Variants in PPP3CA observed in about 807,000 individuals in gnomAD.
PPP3CA encodes protein phosphatase 3 catalytic subunit alpha.
Under a neutral mutation model 66.5 loss-of-function variants are expected in PPP3CA, and 14 were observed. The observed-to-expected ratio is 0.21, with a 90% CI of 0.14 to 0.33. The LOEUF is 0.33. Among genes scored for constraint, PPP3CA ranks in the 10% least tolerant of loss-of-function variants. The pLI is 1.00. For synonymous variants in PPP3CA, 232 were observed against 226.2 expected, an observed-to-expected ratio of 1.03 and a Z score of -0.23; for missense variants, 317 against 639.5, an observed-to-expected ratio of 0.50 and a Z score of 5.44.
At chr4:101,183,072 G>GA (rs1245963740) in intron 2 of PPP3CA, among the ~76,000 whole-genome samples, 2 of 152,116 alleles carry the variant, frequency 1.3e-5, no homozygotes, top group African/African-American at 4.8e-5. Context: ...GAATGCAGGT[G>GA]AAAAAATTTA....
At chr4:101,257,014 G>A (rs963170767) in intron 1 of PPP3CA, among the ~76,000 whole-genome samples, 1 of 151,880 alleles carries the variant, frequency 6.6e-6, no homozygotes. Context: ...GGAAGGGGTG[G>A]GATTAGAATC....
chr4:101,224,718 TC>T (rs1725727911), intron 1 of PPP3CA, among the ~76,000 whole-genome samples: 1 of 151,712 alleles, frequency 6.6e-6, no homozygotes. Context: ...AATAAGGAAA[TC>T]GGGGCAGGGG....
In PPP3CA at chr4:101,117,482, A is replaced by T. The variant is rs1433094186; in HGVS notation, c.260-8404T>A. Among the ~76,000 whole-genome samples the T allele has an allele frequency of 2.6e-5, 4 of 151,524 alleles. No homozygotes were observed. In the South Asian group the frequency reaches 6.3e-4, roughly 24 times the overall value. ...TTTTCCTCCATTGATTGAATACTTT[A>T]AAAGATTTAATTTATTGAATAAGGA... is the stretch of plus-strand genomic sequence containing the variant. On this transcript the variant is annotated intron_variant, in intron 2 of 13. Coordinates refer to ENST00000394854, the MANE Select transcript of PPP3CA (RefSeq NM_000944.5).
chr4:101,089,727 A>G (rs1199594529), intron 6 of PPP3CA, among the ~76,000 whole-genome samples: 1 of 152,172 alleles, frequency 6.6e-6, no homozygotes, highest in Non-Finnish European at 1.5e-5. Context: ...TGCTCCAAGT[A>G]TCTCAACTAT....
chr4:101,043,317 G>C (rs2110212702), intron 10 of PPP3CA, among the ~76,000 whole-genome samples: 1 of 152,174 alleles, frequency 6.6e-6, no homozygotes, highest in Non-Finnish European at 1.5e-5. Flanking sequence ...GAAAAGGAGG[G>C]AAATAAATTA....
rs1490806873 is a variant in PPP3CA, at chr4:101,256,352, T to C, written c.59-60236A>G. Among the ~76,000 whole-genome samples, 7 of 152,010 alleles carry C rather than the reference T, an allele frequency of 4.6e-5. No individual in the cohort carries two copies. The East Asian group carries it at 5.8e-4, about 13-fold the overall frequency. ...AGTCAGCAATGCATAATCTCAGCTA[T>C]TGTTCATTCTGGCAAATCATCACTG... On this transcript the variant is annotated intron_variant, in intron 1 of 13. Coordinates refer to ENST00000394854, the MANE Select transcript of PPP3CA (RefSeq NM_000944.5).
At chr4:101,105,105 A>T (rs1280399619) in intron 3 of PPP3CA, among the ~76,000 whole-genome samples, 3 of 152,150 alleles carry the variant, frequency 2.0e-5, no homozygotes, top group Admixed American at 6.5e-5. Flanking sequence ...TGTAGACTTT[A>T]AAAAAATCTG....
At chr4:101,266,663 T>C (rs1272217584) in intron 1 of PPP3CA, among the ~76,000 whole-genome samples, 1 of 152,078 alleles carries the variant, frequency 6.6e-6, no homozygotes, top group East Asian at 1.9e-4. Flanking sequence ...GATGACTGGA[T>C]GAGAAACAAG....
chr4:101,135,139 A>G (rs1322449030), intron 2 of PPP3CA, among the ~76,000 whole-genome samples: 1 of 152,108 alleles, frequency 6.6e-6, no homozygotes, highest in Non-Finnish European at 1.5e-5. Context: ...TAATGGGTGC[A>G]GCAAACCACG....
chr4:101,079,927 T>C (rs1281294534), intron 8 of PPP3CA, among the ~76,000 whole-genome samples: 1 of 152,194 alleles, frequency 6.6e-6, no homozygotes, highest in Non-Finnish European at 1.5e-5. Flanking sequence ...ACCTAGTTCA[T>C]TACTTCCTAA....
chr4:101,090,381 G>A (rs1729859226), intron 6 of PPP3CA, among the ~76,000 whole-genome samples: 1 of 152,106 alleles, frequency 6.6e-6, no homozygotes, highest in Middle Eastern at 3.2e-3. Flanking sequence ...GCTCATGCCT[G>A]TAATCCCAGC....
intron 2 of PPP3CA, among the ~76,000 whole-genome samples, chr4:101,152,492 A>T (rs1340334291): frequency 6.6e-6 from 1 of 152,252 alleles, no homozygotes; most frequent in African/African-American, 2.4e-5. Context: ...CTGAATAAAG[A>T]CATTTTACTT....
At chr4:101,300,635 A>T (rs1019879000) in intron 1 of PPP3CA, among the ~76,000 whole-genome samples, 2 of 152,092 alleles carry the variant, frequency 1.3e-5, no homozygotes, top group Non-Finnish European at 2.9e-5. Context: ...TCTCTACTAA[A>T]AAATAGAAAA....
chr4:101,314,334 G>T (rs1728816749), intron 1 of PPP3CA, among the ~76,000 whole-genome samples: 1 of 151,832 alleles, frequency 6.6e-6, no homozygotes, highest in African/African-American at 2.4e-5. Flanking sequence ...TCAGGCCGAG[G>T]CAGGCGGATC....
At chr4:101,092,916 T>C (rs1207573263) in intron 6 of PPP3CA, among the ~76,000 whole-genome samples, 1 of 152,218 alleles carries the variant, frequency 6.6e-6, no homozygotes, top group Non-Finnish European at 1.5e-5. Context: ...GCAATAAACA[T>C]GCATATACAT....
At chr4:101,148,759 T>A (rs1016552182) in intron 2 of PPP3CA, among the ~76,000 whole-genome samples, 3 of 151,834 alleles carry the variant, frequency 2.0e-5, no homozygotes, top group African/African-American at 7.3e-5. Context: ...GGACAAGGAG[T>A]GTAAGGCTTT....
intron 8 of PPP3CA, among the ~76,000 whole-genome samples, chr4:101,070,851 T>C (rs1403164378): frequency 6.6e-6 from 1 of 152,210 alleles, no homozygotes; most frequent in African/African-American, 2.4e-5. Context: ...TTAAACATTG[T>C]GAATCATTTC....
intron 13 of PPP3CA, among the ~76,000 whole-genome samples, chr4:101,028,189 A>G (rs903839616): frequency 6.6e-6 from 1 of 152,216 alleles, no homozygotes; most frequent in Non-Finnish European, 1.5e-5. Flanking sequence ...GAGAAAAACA[A>G]AAAAGTTACC....
chr4:101,296,896 C>T (rs1460346011), intron 1 of PPP3CA, among the ~76,000 whole-genome samples: 1 of 152,092 alleles, frequency 6.6e-6, no homozygotes, highest in African/African-American at 2.4e-5. Flanking sequence ...TTCTATAACA[C>T]CAATCTGCCA....
Sources: gnomAD v4.1 joint callset for allele counts (sites outside exome capture counted in the v4.1 genomes callset) on GRCh38, gnomAD v4.1.1 for gene constraint, MANE v1.5 for transcripts, NCBI Gene and HGNC (gene_info 2026-07-23, HGNC 2026-07-21) for gene names.